The following PNPLA7 variants were observed in gnomAD, a reference collection of about 807,000 sequenced individuals.
PNPLA7 encodes patatin-like phospholipase domain-containing protein 7.
A neutral mutation model predicts 161.7 loss-of-function variants in PNPLA7; 153 were observed. That is an observed-to-expected ratio of 0.95 (90% CI 0.83 to 1.08). PNPLA7 has a LOEUF of 1.08. Ranked by LOEUF, PNPLA7 falls within the 50% of genes least tolerant of loss-of-function variation. The pLI is 0.00. For missense variants in PNPLA7, 1,739 were observed against 1,856.6 expected, an observed-to-expected ratio of 0.94 and a Z score of 1.16; for synonymous variants, 809 against 782.1, an observed-to-expected ratio of 1.03 and a Z score of -0.57.
intron 29 of PNPLA7, 21 bp downstream of exon 29, chr9:137,463,394 G>A (rs367787110): frequency 2.2e-5 from 34 of 1,580,832 alleles, no homozygotes; most frequent in South Asian, 1.1e-4. Context: ...CCTGCCGGGC[G>A]TGGTCCCCCC....
Position 137,501,909 on chromosome 9 carries a change from C to T in PNPLA7, c.1474-182G>A, listed in dbSNP as rs150378924. Among the ~76,000 whole-genome samples the T allele has an allele frequency of 6.2e-4, 94 of 152,302 alleles. 1 individual carries two copies. The highest frequency in any genetic ancestry group is 6.8e-3 in the Middle Eastern group (2 of 294). ...GACACTGGGCACCCTGCAGAGCCAC[C>T]GATGCCAAACCAGGGCATCGGCACA... On this transcript the variant is annotated intron_variant, in intron 14 of 34. Transcript: ENST00000406427.
intron 14 of PNPLA7, among the ~76,000 whole-genome samples, chr9:137,503,855 G>GAAGCAGA (rs1833705984): frequency 7.7e-5 from 1 of 13,014 alleles, no homozygotes; most frequent in Non-Finnish European, 1.5e-4. Context: ...GAAGGAAGAA[G>GAAGCAGA]AAGAAGGAGG....
Position 137,526,167 on chromosome 9 carries a change from C to T in PNPLA7, c.748-3310G>A, listed in dbSNP as rs188954270. On this transcript the variant is annotated intron_variant, in intron 8 of 34. Coordinates refer to ENST00000406427, the MANE Select transcript of PNPLA7 (RefSeq NM_001098537.3). ...AGCTCGTGCCCTCGGTCTCTTGCCT[C>T]GGCACCTGGGTGGCTTGCCGCCCAC... Among the ~76,000 whole-genome samples, 31 of 152,340 alleles carry T rather than the reference C, an allele frequency of 2.0e-4. 2 individuals carry two copies. The South Asian group carries it at 3.1e-3, about 15-fold the overall frequency.
intron 14 of PNPLA7, among the ~76,000 whole-genome samples, chr9:137,505,136 C>T (rs772311212): frequency 8.1e-6 from 1 of 123,850 alleles, no homozygotes; most frequent in Non-Finnish European, 1.6e-5. Context: ...TGCAGTGAGC[C>T]GAGATCATAT....
rs1049024559 is a variant in PNPLA7 at position 137,524,372 on chromosome 9, G to T, written c.748-1515C>A. On this transcript the variant is annotated intron_variant, in intron 8 of 34. Transcript: ENST00000406427. This position sits in a 1 kb window ranked among gnomAD's most constrained non-coding sequence, Gnocchi z 4.4. ...CCCCACGGTGGCGCGTCTGCCAGAG[G>T]CCTGTGCCTTGGCTCCTGAGTGCTG... Among the ~76,000 whole-genome samples, 3 of 151,152 alleles carry T rather than the reference G, an allele frequency of 2.0e-5. No individual in the cohort carries two copies. Among genetic ancestry groups the T allele is most frequent in the African/African-American group, 7.3e-5 (3 of 41,032 alleles).
intron 14 of PNPLA7, among the ~76,000 whole-genome samples, chr9:137,503,989 GAAGC>G (rs1833745187): frequency 2.8e-5 from 1 of 35,648 alleles, no homozygotes; most frequent in South Asian, 9.2e-4. Context: ...GAAGAAGAAA[GAAGC>G]AAGAAGAAGA....
At chr9:137,461,042 G>A (rs1831163337) in intron 33 of PNPLA7, 1 of 410,438 alleles carries the variant, frequency 2.4e-6, no homozygotes, top group South Asian at 2.6e-5. Flanking sequence ...GGCAACTGTG[G>A]ATAGGGGCTG....
chr9:137,469,568 C>G (rs1831623089), intron 25 of PNPLA7, among the ~76,000 whole-genome samples: 1 of 152,156 alleles, frequency 6.6e-6, no homozygotes, highest in South Asian at 2.1e-4. Flanking sequence ...ACTTTTCTAT[C>G]CTCTGAGTGG....
intron 20 of PNPLA7, among the ~76,000 whole-genome samples, chr9:137,487,515 G>C (rs1832548875): frequency 6.6e-6 from 1 of 152,238 alleles, no homozygotes; most frequent in African/African-American, 2.4e-5. Flanking sequence ...AAAGAACCGG[G>C]GCACTGGCGC....
chr9:137,473,129 C>T (rs946476618), intron 25 of PNPLA7, among the ~76,000 whole-genome samples: 1 of 152,166 alleles, frequency 6.6e-6, no homozygotes, highest in Non-Finnish European at 1.5e-5. Flanking sequence ...TAGACTATCA[C>T]GAGAAGAGTA....
Position 137,546,840 on chromosome 9 carries a change from A to C in PNPLA7, c.263T>G (p.Ile88Ser). 1 of 1,613,840 alleles carries C rather than the reference A, an allele frequency of 6.2e-7. No homozygotes were observed. ...CCGAGCAACAGCTACCTTCCTCATG[A>C]TCTTCCGGCCGTAAAACATCACTTT... ...RDKVMFYGRK[I>S]MRKVTTLPNT... The change falls in exon 4 of 35, where the codon ATC becomes AGC. Residue 88 changes from isoleucine (I) to serine (S), a missense_variant. Ile to Ser is a moderately radical substitution (Grantham distance 142). Coordinates refer to ENST00000406427, the MANE Select transcript of PNPLA7 (RefSeq NM_001098537.3).
At chr9:137,460,531 G>A in intron 34 of PNPLA7, 55 bp from the exon 35 acceptor site, 1 of 1,602,056 alleles carries the variant, frequency 6.2e-7, no homozygotes, top group African/African-American at 1.3e-5. Context: ...GGGCTCTGCA[G>A]CGCTGGTAAC....
intron 32 of PNPLA7, 150 bp downstream of exon 32, chr9:137,461,781 A>G (rs921228564): frequency 7.6e-6 from 9 of 1,188,516 alleles, no homozygotes; most frequent in South Asian, 1.5e-5. Context: ...GTCCTGAGCA[A>G]TCCTTGTCCT....
intron 25 of PNPLA7, 118 bp downstream of exon 25, chr9:137,477,916 A>G (rs1234759574): frequency 2.4e-6 from 2 of 840,116 alleles, no homozygotes; most frequent in Non-Finnish European, 3.2e-6. Context: ...AGGCGGCCTG[A>G]GGGTCTCGTC....
At chr9:137,503,925 G>T (rs1833726340) in intron 14 of PNPLA7, among the ~76,000 whole-genome samples, 1 of 44,506 alleles carries the variant, frequency 2.2e-5, no homozygotes. Context: ...GAAGGAAGAA[G>T]AAGGAAGAAG....
In PNPLA7 at chr9:137,495,053, T is replaced by C. The variant is rs1025241868; in HGVS notation, c.2107A>G (p.Ile703Val). 3.1e-6 allele frequency: 5 copies of C among 1,610,546 alleles called. No homozygotes were observed. In the South Asian group the frequency reaches 4.4e-5, roughly 14 times the overall value. ...CTCACCTGTGGGTACCTGCGCTTGATGGACGTGAGGGCTCCTGCCGGCAGC... is the reference window on the plus strand; with the variant it reads ...CTCACCTGTGGGTACCTGCGCTTGACGGACGTGAGGGCTCCTGCCGGCAGC... ...AKLPAGALTS[I>V]KRRYPQVVTR... Residue 703 changes from isoleucine (I) to valine (V), a missense_variant, in exon 19 of 35, where the codon ATC becomes GTC. Transcript: ENST00000406427.
At chr9:137,512,330 G>C (rs1406114605) in intron 12 of PNPLA7, among the ~76,000 whole-genome samples, 2 of 152,262 alleles carry the variant, frequency 1.3e-5, no homozygotes, top group Non-Finnish European at 2.9e-5. Flanking sequence ...CGGCATGGAT[G>C]GACCTCCCCA....
intron 30 of PNPLA7, 21 bp from the exon 31 acceptor site, chr9:137,462,352 T>C: frequency 1.9e-6 from 3 of 1,580,308 alleles, no homozygotes; most frequent in South Asian, 1.2e-5. Context: ...CACAGCCGCC[T>C]GAGTCTCCTG....
Position 137,515,488 on chromosome 9 carries a change from C to A in PNPLA7, c.1116G>T (p.Gly372=). 3 of 1,571,542 alleles carry A rather than the reference C, an allele frequency of 1.9e-6. No individual in the cohort carries two copies. Among genetic ancestry groups the A allele is most frequent in the Non-Finnish European group, 2.6e-6 (3 of 1,162,184 alleles). ...CGGAGTGGCTCCTCTTCAGCAGGGG[C>A]CCAGCAGCTGCCGGGCGGCCGCCCC... ...DHGGGRPAAA[G]PLLKRSHSVP... The change falls in exon 12 of 35, where the codon GGG becomes GGT. Residue 372 remains glycine, a synonymous_variant. Transcript: ENST00000406427.
Sources: allele counts gnomAD v4.1 joint callset (sites outside exome capture counted in the v4.1 genomes callset), GRCh38; gene constraint gnomAD v4.1.1; non-coding constraint Gnocchi (gnomAD v3.1); transcripts MANE v1.5; gene names NCBI Gene and HGNC (gene_info 2026-07-23, HGNC 2026-07-21).